SSBP3: variants seen among roughly 807,000 people sequenced by gnomAD.
The protein encoded by SSBP3 is single-stranded DNA-binding protein 3.
In SSBP3, 5 loss-of-function variants were observed where a neutral mutation model predicts 69.6. That is an observed-to-expected ratio of 0.07 (90% CI 0.04 to 0.15). The LOEUF (loss-of-function observed/expected upper bound fraction) is 0.15, where lower values mean the gene tolerates loss of function less well. Ranked by LOEUF, SSBP3 falls within the 10% of genes least tolerant of loss-of-function variation. SSBP3 has a pLI of 1.00. For missense variants in SSBP3, 312 were observed against 534.0 expected (o/e 0.58, Z 4.10); for synonymous variants, 196 against 193.4 (o/e 1.01, Z -0.11).
intron 4 of SSBP3, among the ~76,000 whole-genome samples, chr1:54,365,103 G>A (rs1477236525): frequency 6.6e-6 from 1 of 152,208 alleles, no homozygotes; most frequent in Middle Eastern, 3.2e-3. Flanking sequence ...GCGCCGAAGA[G>A]CTTTTTTTGC....
At chr1:54,390,886 G>C (rs899831132) in intron 4 of SSBP3, among the ~76,000 whole-genome samples, 1 of 152,212 alleles carries the variant, frequency 6.6e-6, no homozygotes, top group Non-Finnish European at 1.5e-5. Flanking sequence ...TTTTCTACTG[G>C]AAGCCGTCTA....
chr1:54,263,348 C>T (rs1645047369), intron 5 of SSBP3, among the ~76,000 whole-genome samples: 1 of 152,196 alleles, frequency 6.6e-6, no homozygotes, highest in Admixed American at 6.5e-5. Context: ...TGTGGTGTGA[C>T]AGGAAGCGCC....
At chr1:54,373,827 A>C (rs1023573329) in intron 4 of SSBP3, among the ~76,000 whole-genome samples, 1 of 151,252 alleles carries the variant, frequency 6.6e-6, no homozygotes, top group East Asian at 2.0e-4. Flanking sequence ...ATTGCCCCCA[A>C]CTCCCTACTC....
intron 9 of SSBP3, among the ~76,000 whole-genome samples, chr1:54,243,926 G>GT (rs200412407): frequency 0.07 from 10,551 of 151,786 alleles, 469 homozygotes; most frequent in South Asian, 0.24. Flanking sequence ...GTGTGTGTGA[G>GT]TTTTTTTTTG....
chr1:54,244,863 C>G (rs1169167794), intron 9 of SSBP3, among the ~76,000 whole-genome samples: 1 of 152,100 alleles, frequency 6.6e-6, no homozygotes, highest in Admixed American at 6.6e-5. Context: ...TCCCACAATG[C>G]CTTCTAACCT....
At position 54,282,041 on chromosome 1, in the gene SSBP3, A is replaced by AAATAATAATAATAATAATAAT. The variant is rs61443250; in HGVS notation, c.277-535_277-515dup. ...AGCCCAAAAGGTTCAGCCCTATCTC[A>AAATAATAATAATAATAATAAT]AATAATAATAATAATAATAATAATA... On this transcript the variant is annotated intron_variant, in intron 4 of 17. Transcript: ENST00000610401. 4.6e-3 allele frequency among the ~76,000 whole-genome samples: 653 copies of AAATAATAATAATAATAATAAT among 142,896 alleles called. 4 individuals are homozygous for AAATAATAATAATAATAATAAT. The highest frequency in any genetic ancestry group is 0.014 in the Admixed American group (206 of 14,390). The allele number at this position is 142,896 out of a possible 152,430, so 93.7% of individuals were successfully genotyped here.
At chr1:54,303,274 G>A (rs983899461) in intron 4 of SSBP3, among the ~76,000 whole-genome samples, 10 of 135,956 alleles carry the variant, frequency 7.4e-5, no homozygotes, top group Admixed American at 2.9e-4. Context: ...CCTCCTTGGT[G>A]CTCCTGCTAC....
intron 5 of SSBP3, among the ~76,000 whole-genome samples, chr1:54,261,865 G>T (rs1645022447): frequency 6.6e-6 from 1 of 152,084 alleles, no homozygotes; most frequent in Non-Finnish European, 1.5e-5. Flanking sequence ...AACGGCATCT[G>T]CCCAGGGGTC....
At chr1:54,305,071 C>A (rs897545300) in intron 4 of SSBP3, among the ~76,000 whole-genome samples, 1 of 152,214 alleles carries the variant, frequency 6.6e-6, no homozygotes, top group Non-Finnish European at 1.5e-5. Flanking sequence ...CGAGCAGAGA[C>A]CATGTATGCC....
At chr1:54,321,907 T>C (rs147363450) in intron 4 of SSBP3, among the ~76,000 whole-genome samples, 5 of 152,322 alleles carry the variant, frequency 3.3e-5, no homozygotes, top group African/African-American at 7.2e-5. Context: ...AGAGGCATGA[T>C]GTTTTGAGTA....
chr1:54,366,866 C>T (rs1311293673), intron 4 of SSBP3, among the ~76,000 whole-genome samples: 1 of 152,174 alleles, frequency 6.6e-6, no homozygotes, highest in Non-Finnish European at 1.5e-5. Flanking sequence ...GGACCGAAAG[C>T]TTGGTAAGAA....
chr1:54,240,557 T>C (rs1644615777), intron 13 of SSBP3, among the ~76,000 whole-genome samples: 1 of 149,718 alleles, frequency 6.7e-6, no homozygotes, highest in African/African-American at 2.5e-5. Context: ...GTAGCATGCC[T>C]CAGAATCCTG....
intron 4 of SSBP3, among the ~76,000 whole-genome samples, chr1:54,307,276 C>T (rs558423466): frequency 2.0e-4 from 31 of 152,092 alleles, no homozygotes; most frequent in Non-Finnish European, 4.1e-4. Context: ...AGCAAACACC[C>T]GCTCTACTCT....
chr1:54,231,844 G>A (rs532634993), intron 14 of SSBP3, among the ~76,000 whole-genome samples: 4 of 152,172 alleles, frequency 2.6e-5, no homozygotes, highest in East Asian at 1.9e-4. Flanking sequence ...ACAGGTGCGC[G>A]CCACCACACC....
intron 4 of SSBP3, among the ~76,000 whole-genome samples, chr1:54,390,875 A>T (rs1013874952): frequency 1.3e-5 from 2 of 152,020 alleles, no homozygotes; most frequent in Non-Finnish European, 1.5e-5. Flanking sequence ...AGAGGAGAAC[A>T]TTTTCTACTG....
At chr1:54,411,619 G>A (rs114158799) in intron 1 of SSBP3, among the ~76,000 whole-genome samples, 4,256 of 152,046 alleles carry the variant, frequency 0.028, 93 homozygotes, top group East Asian at 0.043. Flanking sequence ...GCTGCCGGGC[G>A]CGGTGGTTCA....
At chr1:54,259,161 C>T (rs1468169078) in intron 5 of SSBP3, among the ~76,000 whole-genome samples, 1 of 151,516 alleles carries the variant, frequency 6.6e-6, no homozygotes, top group Non-Finnish European at 1.5e-5. Flanking sequence ...CTGACCTCGA[C>T]CCCCCTACCC....
chr1:54,370,883 C>T (rs559020969), intron 4 of SSBP3, among the ~76,000 whole-genome samples: 3 of 151,868 alleles, frequency 2.0e-5, no homozygotes, highest in Non-Finnish European at 2.9e-5. Context: ...ACGGTTCCCC[C>T]GTCATACAAG....
chr1:54,346,801 T>A (rs1430222332), intron 4 of SSBP3, among the ~76,000 whole-genome samples: 1 of 144,842 alleles, frequency 6.9e-6, no homozygotes, highest in Non-Finnish European at 1.5e-5. Flanking sequence ...GGCAATAGAG[T>A]GAGACTCCAT....
Sources: allele counts gnomAD v4.1 joint callset (sites outside exome capture counted in the v4.1 genomes callset), GRCh38; gene constraint gnomAD v4.1.1; transcripts MANE v1.5; gene names NCBI Gene and HGNC (gene_info 2026-07-23, HGNC 2026-07-21).